The following KIF20B variants were observed in gnomAD, a reference collection of about 807,000 sequenced individuals.
KIF20B encodes kinesin-like protein KIF20B.
KIF20B carries 188 observed loss-of-function variants against 232.5 expected under a neutral mutation model. The ratio of observed to expected loss-of-function variants is 0.81; its 90% CI spans 0.72 to 0.91. KIF20B has a LOEUF of 0.91. Among genes scored for constraint, KIF20B ranks in the 40% least tolerant of loss-of-function variants. The probability of loss-of-function intolerance (pLI) is 0.00; values close to 1 mark genes in which losing one functional copy is unlikely to be tolerated. For missense variants in KIF20B, 2,154 were observed against 2,055.9 expected, an observed-to-expected ratio of 1.05 and a Z score of -0.92; for synonymous variants, 712 against 683.0, an observed-to-expected ratio of 1.04 and a Z score of -0.66.
intron 12 of KIF20B, 70 bp from the exon 13 acceptor site, chr10:89,719,349 A>G: frequency 8.9e-7 from 1 of 1,129,122 alleles, no homozygotes; most frequent in Non-Finnish European, 1.2e-6. Context: ...TTAAATTTAT[A>G]AAATAATCAT....
intron 19 of KIF20B, among the ~76,000 whole-genome samples, chr10:89,733,317 T>TTATA (rs1476829527): frequency 7.4e-6 from 1 of 134,604 alleles, no homozygotes; most frequent in Non-Finnish European, 1.6e-5. Context: ...GTGCTTATAA[T>TTATA]AGTTAAAACT....
intron 28 of KIF20B, among the ~76,000 whole-genome samples, chr10:89,762,217 C>T (rs1404369575): frequency 2.0e-5 from 3 of 152,018 alleles, no homozygotes; most frequent in Admixed American, 6.6e-5. Flanking sequence ...CTATAAGGCC[C>T]AAATTCAAAT....
intron 1 of KIF20B, 148 bp downstream of exon 1, chr10:89,701,828 G>A (rs1842615784): frequency 6.6e-6 from 1 of 152,158 alleles, no homozygotes; most frequent in Non-Finnish European, 1.5e-5. Context: ...GAACTGGGTT[G>A]CGGAGCGATG....
chr10:89,734,286 C>G (rs1188692011), intron 19 of KIF20B, among the ~76,000 whole-genome samples: 1 of 152,110 alleles, frequency 6.6e-6, no homozygotes. Flanking sequence ...TGGTGCATGC[C>G]TGTAATCCCA....
At chr10:89,725,215 T>A in intron 15 of KIF20B, 57 bp downstream of exon 15, 1 of 1,452,068 alleles carries the variant, frequency 6.9e-7, no homozygotes, top group Non-Finnish European at 9.6e-7. Context: ...CAGGGTTTAG[T>A]GTACCACATC....
chr10:89,736,577 G>C (rs1841658561), intron 19 of KIF20B, among the ~76,000 whole-genome samples: 2 of 152,184 alleles, frequency 1.3e-5, no homozygotes, highest in South Asian at 4.2e-4. Context: ...TAGTCTCTTA[G>C]CATTATTCTG....
chr10:89,701,997 A>G (rs1361904393), intron 1 of KIF20B, among the ~76,000 whole-genome samples: 2 of 152,200 alleles, frequency 1.3e-5, no homozygotes, highest in Non-Finnish European at 2.9e-5. Context: ...TGAAGTGTCT[A>G]TTTCTTTCGG....
At chr10:89,714,871 T>C in intron 7 of KIF20B, 84 bp from the exon 8 acceptor site, 1 of 834,858 alleles carries the variant, frequency 1.2e-6, no homozygotes, top group Non-Finnish European at 1.9e-6. Context: ...GTTTTTCAAG[T>C]GTGAGAATCG....
chr10:89,714,980 C>A lies in KIF20B; in HGVS notation c.738C>A (p.Ile246=), dbSNP rs757003756. 58 of 1,577,530 alleles carry A rather than the reference C, an allele frequency of 3.7e-5. No individual in the cohort carries two copies. The highest frequency in any genetic ancestry group is 3.1e-4 in the Admixed American group (17 of 54,556). ...GAAGTTTAACTAACTCTTTGAATAT[C>A]TCAGAGTTTGAAGAATCCATAAAAG... ...LYGSLTNSLN[I]SEFEESIKDY... Residue 246 remains isoleucine (I), a synonymous_variant, in exon 8 of 33, where the codon ATC becomes ATA. Transcript: ENST00000371728.
At chr10:89,751,986 C>T (rs1842030428) in intron 24 of KIF20B, among the ~76,000 whole-genome samples, 1 of 151,832 alleles carries the variant, frequency 6.6e-6, no homozygotes, top group South Asian at 2.1e-4. Flanking sequence ...TGGCAGGGTA[C>T]TTGTGCTTAC....
At chr10:89,733,350 T>C (rs575011889) in intron 19 of KIF20B, among the ~76,000 whole-genome samples, 9 of 152,210 alleles carry the variant, frequency 5.9e-5, no homozygotes, top group Non-Finnish European at 1.2e-4. Flanking sequence ...TTTATAAATA[T>C]AGTATTTTCT....
rs543799628 is a variant in KIF20B, at chr10:89,720,021, G to A, written c.1722+315G>A. On this transcript the variant is annotated intron_variant, in intron 13 of 32. Transcript: ENST00000371728. ...TGAACATATTTTTCTAAGAACATGG[G>A]CATTTTCATCATGATCACAAGACCA... Among the ~76,000 whole-genome samples the A allele has an allele frequency of 3.3e-5, 5 of 151,996 alleles. No individual in the cohort carries two copies. The South Asian group carries it at 1.0e-3, about 32-fold the overall frequency.
intron 7 of KIF20B, among the ~76,000 whole-genome samples, chr10:89,714,394 C>G (rs1842895432): frequency 1.3e-5 from 2 of 151,954 alleles, no homozygotes; most frequent in African/African-American, 2.4e-5. Flanking sequence ...CAGGAGAATC[C>G]TTGAACTCAG....
chr10:89,710,003 G>C lies in KIF20B; in HGVS notation c.428G>C (p.Gly143Ala). 1 of 1,612,754 alleles carries C rather than the reference G, an allele frequency of 6.2e-7. No homozygotes were observed. The highest frequency in any genetic ancestry group is 8.5e-7 in the Non-Finnish European group (1 of 1,179,406). ...IMQPVKDLLK[G>A]QSRLIFTYGL... ...CAACCAGTAAAAGACCTCTTGAAAGGACAGAGTCGTCTGATTTTTACTTAC... is the reference window on the plus strand; with the variant it reads ...CAACCAGTAAAAGACCTCTTGAAAGCACAGAGTCGTCTGATTTTTACTTAC... Residue 143 changes from glycine to alanine, a missense_variant, in exon 5 of 33, where the codon GGA becomes GCA. Coordinates refer to ENST00000371728, the MANE Select transcript of KIF20B (RefSeq NM_001284259.2).
At chr10:89,710,629 G>A (rs1330998253) in intron 5 of KIF20B, among the ~76,000 whole-genome samples, 1 of 152,136 alleles carries the variant, frequency 6.6e-6, no homozygotes, top group Non-Finnish European at 1.5e-5. Context: ...AAAAAGTATT[G>A]ATGTGATACA....
chr10:89,756,168 T>C (rs1162051558), intron 26 of KIF20B, among the ~76,000 whole-genome samples: 1 of 152,222 alleles, frequency 6.6e-6, no homozygotes, highest in East Asian at 1.9e-4. Flanking sequence ...TGTCACATGG[T>C]GTAAATTTGC....
chr10:89,711,192 T>TAAAAAAAAAAAAAAAA, intron 6 of KIF20B, 47 bp downstream of exon 6: 1 of 1,186,822 alleles, frequency 8.4e-7, no homozygotes, highest in Non-Finnish European at 1.2e-6. Context: ...TCCTGACTTC[T>TAAAAAAAAAAAAAAAA]TATAAACCCT....
At position 89,709,475 on chromosome 10, in the gene KIF20B, G is replaced by GTTTTTGT. The variant is rs1174658105; in HGVS notation, c.351+25_351+31dup. The GTTTTTGT allele has an allele frequency of 1.3e-6, 2 of 1,549,528 alleles. No homozygotes were observed. The highest frequency in any genetic ancestry group is 1.8e-6 in the Non-Finnish European group (2 of 1,124,274). On this transcript the variant is annotated intron_variant, in intron 4 of 32. Transcript: ENST00000371728. ...AGTTTTTCCAAGGTAAAACTGAAGT[G>GTTTTTGT]TTTTTGTTTTTTGTTTTAAAGATAA...
At position 89,726,283 on chromosome 10, in the gene KIF20B, C is replaced by T. The variant is rs1248068537; in HGVS notation, c.2002-10C>T. On this transcript the variant is annotated splice_polypyrimidine_tract_variant and intron_variant, in intron 15 of 32. Transcript: ENST00000371728. Reference sequence around the variant, plus strand: ...GTTAATATTAGGCATGTGGTTTTTGCTATTTTTAGGAAACACATAATTATG... The same window carrying T: ...GTTAATATTAGGCATGTGGTTTTTGTTATTTTTAGGAAACACATAATTATG... 18 of 1,538,242 alleles carry T rather than the reference C, an allele frequency of 1.2e-5. No individual in the cohort carries two copies. The highest frequency in any genetic ancestry group is 1.6e-5 in the Non-Finnish European group (18 of 1,140,714).
Sources: gnomAD v4.1 joint callset for allele counts (sites outside exome capture counted in the v4.1 genomes callset) on GRCh38, gnomAD v4.1.1 for gene constraint, MANE v1.5 for transcripts, NCBI Gene and HGNC (gene_info 2026-07-23, HGNC 2026-07-21) for gene names.